The following EML4 variants were observed in gnomAD, a reference collection of about 807,000 sequenced individuals.
The protein encoded by EML4 is echinoderm microtubule-associated protein-like 4.
EML4 carries 72 observed loss-of-function variants against 129.0 expected under a neutral mutation model. The ratio of observed to expected loss-of-function variants is 0.56; its 90% CI spans 0.46 to 0.68. EML4 has a LOEUF of 0.68. EML4 is among the 30% of genes least tolerant of loss of function. The pLI is 0.00. For synonymous variants in EML4, 532 were observed against 405.0 expected, an observed-to-expected ratio of 1.31 and a Z score of -3.77; for missense variants, 1,363 against 1,190.6, an observed-to-expected ratio of 1.14 and a Z score of -2.13.
intron 1 of EML4, among the ~76,000 whole-genome samples, chr2:42,225,659 G>T (rs1673911328): frequency 6.6e-6 from 1 of 152,082 alleles, no homozygotes; most frequent in Admixed American, 6.5e-5. Context: ...AGTATTTTGT[G>T]ATTTTAATTG....
intron 6 of EML4, among the ~76,000 whole-genome samples, chr2:42,274,595 T>G (rs969064612): frequency 1.3e-5 from 2 of 152,226 alleles, no homozygotes; most frequent in Non-Finnish European, 2.9e-5. Context: ...TTGTGAACGA[T>G]TAATACTTTT....
At chr2:42,226,331 T>C (rs910948561) in intron 1 of EML4, among the ~76,000 whole-genome samples, 1 of 151,980 alleles carries the variant, frequency 6.6e-6, no homozygotes, top group East Asian at 1.9e-4. Flanking sequence ...GTTGAAGAGA[T>C]CTATTGTAAA....
At chr2:42,283,064 T>G (rs1667100083) in intron 8 of EML4, 92 bp downstream of exon 8, 1 of 1,205,088 alleles carries the variant, frequency 8.3e-7, no homozygotes, top group East Asian at 2.5e-5. Context: ...TGATTTCTTG[T>G]GGAAAGCTCA....
chr2:42,325,379 G>A, intron 19 of EML4, 88 bp from the exon 20 acceptor site: 1 of 643,886 alleles, frequency 1.6e-6, no homozygotes, highest in Non-Finnish European at 2.9e-6. Context: ...CAACAAATGT[G>A]TATTCAGAAA....
intron 1 of EML4, among the ~76,000 whole-genome samples, chr2:42,194,562 C>T (rs1324699242): frequency 6.6e-6 from 1 of 151,100 alleles, no homozygotes; most frequent in Non-Finnish European, 1.5e-5. Context: ...GTTGCCCAGG[C>T]TGGAGTGCAG....
At chr2:42,180,803 A>C (rs72978869) in intron 1 of EML4, among the ~76,000 whole-genome samples, 2 of 152,330 alleles carry the variant, frequency 1.3e-5, no homozygotes, top group African/African-American at 2.4e-5. Flanking sequence ...CTTTTATAGC[A>C]AAAAGATCTA....
chr2:42,307,880 C>G (rs1391348824), intron 17 of EML4, among the ~76,000 whole-genome samples: 1 of 152,174 alleles, frequency 6.6e-6, no homozygotes, highest in Non-Finnish European at 1.5e-5. Flanking sequence ...GTCTGGAACC[C>G]CTGGCCTCAA....
intron 13 of EML4, among the ~76,000 whole-genome samples, chr2:42,299,328 TAGC>T (rs1328578670): frequency 6.6e-6 from 1 of 152,206 alleles, no homozygotes; most frequent in African/African-American, 2.4e-5. Flanking sequence ...TTAAGTATAA[TAGC>T]AGCTCAAATA....
intron 1 of EML4, among the ~76,000 whole-genome samples, chr2:42,244,444 A>G (rs1403479509): frequency 6.6e-6 from 1 of 152,196 alleles, no homozygotes; most frequent in Non-Finnish European, 1.5e-5. Flanking sequence ...CCCAACAAAT[A>G]CAGTAGTATA....
intron 17 of EML4, 59 bp from the exon 18 acceptor site, chr2:42,315,903 C>T: frequency 2.4e-6 from 3 of 1,268,476 alleles, no homozygotes; most frequent in Middle Eastern, 1.9e-4. Flanking sequence ...AAAAGAACAA[C>T]TTTTTTTTTC....
At chr2:42,212,171 T>C (rs943874104) in intron 1 of EML4, among the ~76,000 whole-genome samples, 11 of 152,172 alleles carry the variant, frequency 7.2e-5, no homozygotes, top group Admixed American at 5.9e-4. Flanking sequence ...TATGTAAATA[T>C]ATGTAATGGC....
intron 19 of EML4, among the ~76,000 whole-genome samples, chr2:42,323,979 TAGAGGA>T (rs1046199724): frequency 7.1e-6 from 1 of 141,722 alleles, no homozygotes; most frequent in Non-Finnish European, 1.5e-5. Flanking sequence ...GAAAAAGTCT[TAGAGGA>T]AGAAAAGAAT....
At chr2:42,327,086 G>GA (rs1270009397) in intron 21 of EML4, among the ~76,000 whole-genome samples, 1 of 152,026 alleles carries the variant, frequency 6.6e-6, no homozygotes, top group African/African-American at 2.4e-5. Context: ...TATATAAGGG[G>GA]AATCATACAA....
intron 2 of EML4, among the ~76,000 whole-genome samples, chr2:42,246,584 A>G (rs774442973): frequency 6.6e-6 from 1 of 152,178 alleles, no homozygotes; most frequent in Non-Finnish European, 1.5e-5. Flanking sequence ...TCAGTTTCTG[A>G]ATGTTGTTTA....
At chr2:42,259,543 C>T (rs1558549127) in intron 3 of EML4, among the ~76,000 whole-genome samples, 1 of 152,020 alleles carries the variant, frequency 6.6e-6, no homozygotes, top group Non-Finnish European at 1.5e-5. Flanking sequence ...AACCTACCCT[C>T]TAAGTATATA....
chr2:42,172,072 T>A (rs1462222666), intron 1 of EML4, among the ~76,000 whole-genome samples: 3 of 152,020 alleles, frequency 2.0e-5, no homozygotes, highest in South Asian at 2.1e-4. Context: ...TTTTTTTTTT[T>A]AAACAAGAAG....
intron 1 of EML4, among the ~76,000 whole-genome samples, chr2:42,217,752 G>T (rs1416191756): frequency 6.6e-6 from 1 of 152,148 alleles, no homozygotes; most frequent in African/African-American, 2.4e-5. Flanking sequence ...GTAGTTTTTA[G>T]AGGATATGTC....
rs1030829851 is a variant in EML4 at position 42,303,016 on chromosome 2, A to G, written c.1642-88A>G. 62 of 1,367,992 alleles carry G rather than the reference A, an allele frequency of 4.5e-5. No homozygotes were observed. In the African/African-American group the frequency reaches 8.3e-4, roughly 18 times the overall value. 84.7% of individuals were successfully genotyped at this position (1,367,992 alleles called of 1,614,324 possible). A position where few individuals can be genotyped will look rare whatever the true frequency, so the allele number is the denominator to read the frequency against. ...TTTGGGCTTTCGTCATAATTACCTC[A>G]TAATTGCTTACAGCTATAAATGCAG... is the stretch of plus-strand genomic sequence containing the variant. On this transcript the variant is annotated intron_variant, in intron 14 of 22. Coordinates refer to ENST00000318522, the MANE Select transcript of EML4 (RefSeq NM_019063.5).
chr2:42,324,990 A>G (rs569374545), intron 19 of EML4, among the ~76,000 whole-genome samples: 1 of 152,362 alleles, frequency 6.6e-6, no homozygotes, highest in African/African-American at 2.4e-5. Context: ...GGATACCTCC[A>G]TAGACCATAT....
Sources: allele counts gnomAD v4.1 joint callset (sites outside exome capture counted in the v4.1 genomes callset), GRCh38; gene constraint gnomAD v4.1.1; transcripts MANE v1.5; gene names NCBI Gene and HGNC (gene_info 2026-07-23, HGNC 2026-07-21).